The following ANTXR1 variants were observed in gnomAD, a reference collection of about 807,000 sequenced individuals.
The protein encoded by ANTXR1 is anthrax toxin receptor 1.
In ANTXR1, 19 loss-of-function variants were observed where a neutral mutation model predicts 78.1. The ratio of observed to expected loss-of-function variants is 0.24; its 90% CI spans 0.17 to 0.36. The LOEUF is 0.36. ANTXR1 is among the 10% of genes least tolerant of loss of function. The pLI is 1.00. For synonymous variants in ANTXR1, 273 were observed against 260.5 expected, an observed-to-expected ratio of 1.05 and a Z score of -0.46; for missense variants, 518 against 718.6, an observed-to-expected ratio of 0.72 and a Z score of 3.19.
intron 1 of ANTXR1, among the ~76,000 whole-genome samples, chr2:69,023,175 C>T (rs1373514149): frequency 6.6e-6 from 1 of 152,316 alleles, no homozygotes; most frequent in East Asian, 1.9e-4. Context: ...ATAAAATAGG[C>T]ATTAAAATGT....
intron 17 of ANTXR1, among the ~76,000 whole-genome samples, chr2:69,215,381 G>A (rs2104503552): frequency 1.3e-5 from 2 of 152,314 alleles, no homozygotes; most frequent in South Asian, 2.1e-4. Flanking sequence ...CCAGTTTACA[G>A]ATGTTTCCCT....
intron 17 of ANTXR1, among the ~76,000 whole-genome samples, chr2:69,224,249 A>G (rs906077029): frequency 1.3e-5 from 2 of 152,218 alleles, no homozygotes; most frequent in African/African-American, 4.8e-5. Flanking sequence ...GTGTATGATC[A>G]TTATTTCAGA....
chr2:69,230,613 A>G (rs953129993), intron 17 of ANTXR1, among the ~76,000 whole-genome samples: 2 of 152,174 alleles, frequency 1.3e-5, no homozygotes, highest in African/African-American at 2.4e-5. Flanking sequence ...GCCTGACTTC[A>G]GAATCGGGAG....
At chr2:69,193,456 CTCTCACAT>C (rs1674590799) in intron 17 of ANTXR1, 41 bp downstream of exon 17, 2 of 1,306,510 alleles carry the variant, frequency 1.5e-6, no homozygotes, top group Non-Finnish European at 2.2e-6. Flanking sequence ...CTCTCTCTCT[CTCTCACAT>C]ACACACACAC....
chr2:69,114,538 A>C (rs1672081277), intron 10 of ANTXR1, among the ~76,000 whole-genome samples: 1 of 152,194 alleles, frequency 6.6e-6, no homozygotes, highest in Non-Finnish European at 1.5e-5. Context: ...CTTGATCCTC[A>C]TGAACACAGT....
chr2:69,091,676 C>G (rs1671244517), intron 9 of ANTXR1, among the ~76,000 whole-genome samples: 1 of 152,154 alleles, frequency 6.6e-6, no homozygotes, highest in Non-Finnish European at 1.5e-5. Context: ...TAGTTGGATG[C>G]TGGCCTTTTC....
chr2:69,119,020 TC>T (rs573278489), intron 10 of ANTXR1, among the ~76,000 whole-genome samples: 141 of 152,080 alleles, frequency 9.3e-4, no homozygotes, highest in African/African-American at 3.4e-3. Context: ...TTTGCAGGCC[TC>T]CCAGTGAGAT....
chr2:69,113,768 C>T (rs1330424278), intron 10 of ANTXR1, among the ~76,000 whole-genome samples: 2 of 152,202 alleles, frequency 1.3e-5, no homozygotes, highest in African/African-American at 4.8e-5. Flanking sequence ...TGTCAGGAGA[C>T]ACATACCTTG....
chr2:69,086,380 AATAT>A (rs1573859317), intron 8 of ANTXR1, among the ~76,000 whole-genome samples: 1 of 152,332 alleles, frequency 6.6e-6, no homozygotes, highest in East Asian at 1.9e-4. Flanking sequence ...TTTCACTTTA[AATAT>A]ATCAAACAGC....
chr2:69,129,828 G>C (rs1672675047), intron 12 of ANTXR1, among the ~76,000 whole-genome samples: 1 of 152,098 alleles, frequency 6.6e-6, no homozygotes, highest in South Asian at 2.1e-4. Flanking sequence ...TAGGATTTCA[G>C]AGCAGGGAAG....
chr2:69,086,621 A>G (rs1671056271), intron 8 of ANTXR1, among the ~76,000 whole-genome samples: 1 of 152,246 alleles, frequency 6.6e-6, no homozygotes, highest in South Asian at 2.1e-4. Flanking sequence ...GTCAGCAAAT[A>G]TGATTAAGCA....
intron 9 of ANTXR1, among the ~76,000 whole-genome samples, chr2:69,094,944 T>G (rs964498339): frequency 1.3e-5 from 2 of 152,210 alleles, no homozygotes; most frequent in African/African-American, 4.8e-5. Flanking sequence ...ATCATAGTTG[T>G]CTTGCTCCCC....
Position 69,122,496 on chromosome 2 carries a change from A to G in ANTXR1, c.803-521A>G, listed in dbSNP as rs566232626. On this transcript the variant is annotated intron_variant, in intron 10 of 17. Transcript: ENST00000303714. ...TCACTCACTATTTTCTCACCAGTTGACTCAACTGCACATACCACAGGAAGC... is the reference window on the plus strand; with the variant it reads ...TCACTCACTATTTTCTCACCAGTTGGCTCAACTGCACATACCACAGGAAGC... Among the ~76,000 whole-genome samples the G allele has an allele frequency of 4.1e-4, 63 of 152,082 alleles. 1 individual carries two copies. Among genetic ancestry groups the G allele is most frequent in the Non-Finnish European group, 4.9e-4 (33 of 68,024 alleles).
At chr2:69,104,805 C>T (rs1205521252) in intron 10 of ANTXR1, among the ~76,000 whole-genome samples, 1 of 152,116 alleles carries the variant, frequency 6.6e-6, no homozygotes, top group Non-Finnish European at 1.5e-5. Flanking sequence ...AAGATGTGGC[C>T]AGGCACGGTG....
intron 10 of ANTXR1, among the ~76,000 whole-genome samples, chr2:69,104,005 C>CTCAG (rs1671721404): frequency 2.0e-5 from 3 of 149,480 alleles, no homozygotes; most frequent in Admixed American, 2.0e-4. Flanking sequence ...ATGGCACGAT[C>CTCAG]TCAGCTCACT....
At chr2:69,049,823 T>C (rs1404615063) in intron 3 of ANTXR1, among the ~76,000 whole-genome samples, 1 of 152,202 alleles carries the variant, frequency 6.6e-6, no homozygotes, top group Non-Finnish European at 1.5e-5. Flanking sequence ...ATGCATTTTA[T>C]TGGATGCTAA....
At chr2:69,151,186 C>CTTTTTTTTT (rs59147668) in intron 12 of ANTXR1, among the ~76,000 whole-genome samples, 47 of 82,568 alleles carry the variant, frequency 5.7e-4, no homozygotes, top group East Asian at 1.1e-3. Context: ...TGATTATTTT[C>CTTTTTTTTT]TTTTTTTTTT....
Position 69,161,733 on chromosome 2 carries a change from G to C in ANTXR1, c.1048-8515G>C, listed in dbSNP as rs964042582. ...AGAATGGAAGGCTAGAATGTAAAAA[G>C]GGTCAGAGCAAGCATCTCCTTCTAG... On this transcript the variant is annotated intron_variant, in intron 13 of 17. Coordinates refer to ENST00000303714, the MANE Select transcript of ANTXR1 (RefSeq NM_032208.3). Among the ~76,000 whole-genome samples, 4 of 152,244 alleles carry C rather than the reference G, an allele frequency of 2.6e-5. No individual in the cohort carries two copies. In the South Asian group the frequency reaches 8.3e-4, roughly 32 times the overall value.
intron 12 of ANTXR1, among the ~76,000 whole-genome samples, chr2:69,128,179 C>T (rs986928947): frequency 6.6e-6 from 1 of 151,338 alleles, no homozygotes; most frequent in Non-Finnish European, 1.5e-5. Context: ...GAGCTGAGAT[C>T]ATGCCACTGC....
Sources: gnomAD v4.1 joint callset for allele counts (sites outside exome capture counted in the v4.1 genomes callset) on GRCh38, gnomAD v4.1.1 for gene constraint, MANE v1.5 for transcripts, NCBI Gene and HGNC (gene_info 2026-07-23, HGNC 2026-07-21) for gene names.